Variants in ADGRF5 observed in about 807,000 individuals in gnomAD.
The protein encoded by ADGRF5 is G-protein coupled receptor 116.
Under a neutral mutation model 132.3 loss-of-function variants are expected in ADGRF5, and 75 were observed. The observed-to-expected ratio is 0.57, with a 90% CI of 0.47 to 0.69. The LOEUF (loss-of-function observed/expected upper bound fraction) is 0.69, where lower values mean the gene tolerates loss of function less well. ADGRF5 is among the 30% of genes least tolerant of loss of function. ADGRF5 has a pLI of 0.00. For missense variants in ADGRF5, 1,516 were observed against 1,630.6 expected (o/e 0.93, Z 1.21); for synonymous variants, 629 against 597.6 (o/e 1.05, Z -0.77).
intron 1 of ADGRF5, among the ~76,000 whole-genome samples, chr6:46,948,537 G>T (rs1273535300): frequency 2.0e-5 from 3 of 151,604 alleles, no homozygotes; most frequent in East Asian, 3.9e-4. Flanking sequence ...TATTGGGGCT[G>T]TGTGTACACA....
At chr6:46,885,243 A>G (rs965616033) in intron 4 of ADGRF5, among the ~76,000 whole-genome samples, 6 of 151,876 alleles carry the variant, frequency 4.0e-5, no homozygotes, top group African/African-American at 1.5e-4. Context: ...GAAGAAAGAA[A>G]AAACAGAATT....
At chr6:46,854,399 G>T (rs918404972) in intron 20 of ADGRF5, among the ~76,000 whole-genome samples, 6 of 152,216 alleles carry the variant, frequency 3.9e-5, no homozygotes, top group African/African-American at 1.4e-4. Context: ...ACATCTGCAT[G>T]AGGGAATCTC....
chr6:46,859,580 A>T (rs1769494542), intron 16 of ADGRF5, 57 bp from the exon 17 acceptor site: 10 of 1,098,414 alleles, frequency 9.1e-6, no homozygotes, highest in African/African-American at 1.6e-5. Context: ...CATAAAAAAG[A>T]AAAAAACAAC....
At position 46,943,073 on chromosome 6, in the gene ADGRF5, C is replaced by T. The variant is rs112685308; in HGVS notation, c.-25+11661G>A. On this transcript the variant is annotated intron_variant, in intron 1 of 20. Coordinates refer to the ADGRF5 transcript ENST00000265417. ...GAAAATTGACACAGGAAATTGTTGA[C>T]TAAAGGTGGGTCTCAAGTCAAAAGA... Among the ~76,000 whole-genome samples, 695 of 151,462 alleles carry T rather than the reference C, an allele frequency of 4.6e-3. 4 individuals carry two copies. The highest frequency in any genetic ancestry group is 0.012 in the South Asian group (57 of 4,798).
chr6:46,897,614 G>T (rs988559780), intron 3 of ADGRF5, among the ~76,000 whole-genome samples: 3 of 152,058 alleles, frequency 2.0e-5, no homozygotes, highest in Admixed American at 6.5e-5. Context: ...TCGCGCTGTC[G>T]CCCAGGCTGG....
At chr6:46,860,955 G>A in intron 15 of ADGRF5, 61 bp from the exon 16 acceptor site, 3 of 1,350,776 alleles carry the variant, frequency 2.2e-6, no homozygotes, top group Non-Finnish European at 3.1e-6. Context: ...ATCGAATCCA[G>A]CTGATCCATT....
intron 10 of ADGRF5, among the ~76,000 whole-genome samples, chr6:46,877,275 CT>C (rs1158537209): frequency 1.3e-4 from 6 of 47,478 alleles, no homozygotes; most frequent in South Asian, 5.5e-4. Flanking sequence ...TTCTTTCTTT[CT>C]TTCTTTCTTT....
chr6:46,867,464 C>T (rs1000395147), intron 12 of ADGRF5, among the ~76,000 whole-genome samples: 1 of 152,126 alleles, frequency 6.6e-6, no homozygotes, highest in African/African-American at 2.4e-5. Context: ...TTCTACCAAC[C>T]CAAGGAATAA....
chr6:46,946,199 C>T (rs1341478645), intron 1 of ADGRF5, among the ~76,000 whole-genome samples: 1 of 152,036 alleles, frequency 6.6e-6, no homozygotes, highest in East Asian at 1.9e-4. Context: ...GGGAAAGGAA[C>T]CTGTAAAAAA....
chr6:46,870,738 C>T (rs972873253), intron 11 of ADGRF5: 4 of 328,016 alleles, frequency 1.2e-5, no homozygotes, highest in Admixed American at 7.2e-5. Context: ...TCAGCAAAGG[C>T]TTAACATGTC....
At chr6:46,953,689 A>ATATATATC (rs1324351989) in intron 1 of ADGRF5, among the ~76,000 whole-genome samples, 5 of 132,938 alleles carry the variant, frequency 3.8e-5, no homozygotes, top group African/African-American at 8.2e-5. Flanking sequence ...ATATATATAT[A>ATATATATC]TCTCACTGAC....
intron 1 of ADGRF5, among the ~76,000 whole-genome samples, chr6:46,927,136 A>G (rs6925855): frequency 1.3e-5 from 2 of 152,092 alleles, no homozygotes; most frequent in African/African-American, 2.4e-5. Context: ...CTCCCAAAAA[A>G]GTTTCCCTCA....
intron 1 of ADGRF5, among the ~76,000 whole-genome samples, chr6:46,909,443 TC>T (rs1562226841): frequency 6.6e-6 from 1 of 152,186 alleles, no homozygotes; most frequent in Admixed American, 6.5e-5. Context: ...CTGAGCAACT[TC>T]CTGGTCTCCT....
At chr6:46,864,445 C>A (rs901470898) in intron 14 of ADGRF5, among the ~76,000 whole-genome samples, 4 of 152,114 alleles carry the variant, frequency 2.6e-5, no homozygotes, top group Non-Finnish European at 4.4e-5. Context: ...CTGTCCACTT[C>A]TAATCACCTG....
chr6:46,877,534 A>G (rs867550013), intron 10 of ADGRF5, among the ~76,000 whole-genome samples: 42 of 152,128 alleles, frequency 2.8e-4, no homozygotes, highest in Middle Eastern at 3.4e-3. Context: ...GGTTAATCAT[A>G]AACTGTTATA....
intron 2 of ADGRF5, 78 bp from the exon 3 acceptor site, chr6:46,900,161 TA>T (rs3215601): frequency 0.45 from 468,564 of 1,032,358 alleles, 114,928 homozygotes; most frequent in African/African-American, 0.84. Flanking sequence ...TAGATACCCC[TA>T]AATGTTGGAG....
intron 1 of ADGRF5, among the ~76,000 whole-genome samples, chr6:46,908,202 G>A (rs1351180916): frequency 6.6e-6 from 1 of 152,200 alleles, no homozygotes; most frequent in Non-Finnish European, 1.5e-5. Flanking sequence ...TGGTTTGGGG[G>A]AAATGCTTTG....
At chr6:46,939,821 A>C (rs545962474) in intron 1 of ADGRF5, among the ~76,000 whole-genome samples, 4 of 152,346 alleles carry the variant, frequency 2.6e-5, no homozygotes, top group African/African-American at 9.6e-5. Context: ...TCCACTTTCG[A>C]TGAATGAGGA....
intron 10 of ADGRF5, among the ~76,000 whole-genome samples, chr6:46,875,734 G>A (rs564014657): frequency 3.3e-5 from 5 of 152,186 alleles, no homozygotes; most frequent in African/African-American, 4.8e-5. Context: ...TCGAGATTGC[G>A]CCACTGCACT....
Sources: gnomAD v4.1 joint callset for allele counts (sites outside exome capture counted in the v4.1 genomes callset) on GRCh38, gnomAD v4.1.1 for gene constraint, MANE v1.5 for transcripts, NCBI Gene and HGNC (gene_info 2026-07-23, HGNC 2026-07-21) for gene names.